Variants in FAF1 observed in about 807,000 individuals in gnomAD.
FAF1 encodes Fas associated factor 1, also known as FAS-associated factor 1.
FAF1 carries 25 observed loss-of-function variants against 92.5 expected under a neutral mutation model. The observed-to-expected ratio is 0.27, with a 90% CI of 0.20 to 0.38. The LOEUF (loss-of-function observed/expected upper bound fraction) is 0.38, where lower values mean the gene tolerates loss of function less well. Ranked by LOEUF, FAF1 falls within the 10% of genes least tolerant of loss-of-function variation. The pLI is 1.00. For synonymous variants in FAF1, 234 were observed against 273.2 expected (o/e 0.86, Z 1.42); for missense variants, 636 against 793.3 (o/e 0.80, Z 2.38).
rs1017867530 is a variant in FAF1 at position 50,553,970 on chromosome 1, A to C, written c.1268+13107T>G. Among the ~76,000 whole-genome samples the C allele has an allele frequency of 2.6e-5, 4 of 152,026 alleles. No individual in the cohort carries two copies. The South Asian group carries it at 6.2e-4, about 24-fold the overall frequency. ...CAATATTCAAGCACAGGCTGGAGCA[A>C]CATCAGCTAAGCATGTTATAGAAAA... On this transcript the variant is annotated intron_variant, in intron 13 of 18. Transcript: ENST00000396153.
At chr1:50,845,055 C>G (rs768232618) in intron 2 of FAF1, among the ~76,000 whole-genome samples, 1 of 152,214 alleles carries the variant, frequency 6.6e-6, no homozygotes, top group Non-Finnish European at 1.5e-5. Flanking sequence ...ATATCTCCAT[C>G]TGTCTCAGTT....
intron 2 of FAF1, among the ~76,000 whole-genome samples, chr1:50,845,453 G>A (rs921359655): frequency 2.6e-5 from 4 of 152,140 alleles, no homozygotes; most frequent in African/African-American, 9.7e-5. Flanking sequence ...CAGCCTGCCT[G>A]TGGTTAGAGG....
At chr1:50,880,509 T>C (rs1644603290) in intron 1 of FAF1, among the ~76,000 whole-genome samples, 1 of 152,162 alleles carries the variant, frequency 6.6e-6, no homozygotes, top group Non-Finnish European at 1.5e-5. Context: ...TTACTATCCT[T>C]ATAGATAGAA....
intron 12 of FAF1, among the ~76,000 whole-genome samples, chr1:50,576,937 G>A (rs1256751418): frequency 6.6e-6 from 1 of 151,800 alleles, no homozygotes; most frequent in African/African-American, 2.4e-5. Flanking sequence ...GAAGTGTTGG[G>A]ATTACAGGTG....
At chr1:50,485,667 C>CAAAAAAAAAAAAAAAAA (rs999538430) in intron 17 of FAF1, among the ~76,000 whole-genome samples, 8 of 13,718 alleles carry the variant, frequency 5.8e-4, no homozygotes, top group South Asian at 4.5e-3. Context: ...GAGACTGTCT[C>CAAAAAAAAAAAAAAAAA]AAAAAAAAAA....
intron 9 of FAF1, among the ~76,000 whole-genome samples, chr1:50,585,146 C>A (rs534854294): frequency 3.3e-5 from 5 of 152,266 alleles, no homozygotes; most frequent in South Asian, 2.1e-4. Context: ...AAGTCAGAGA[C>A]AAAGTAAGTT....
intron 7 of FAF1, among the ~76,000 whole-genome samples, chr1:50,673,972 A>G (rs1370398706): frequency 6.6e-6 from 1 of 151,080 alleles, no homozygotes; most frequent in Non-Finnish European, 1.5e-5. Context: ...TTTTTTTGAC[A>G]TGGAGTCTTG....
In FAF1 at chr1:50,915,248, T is replaced by TA. The variant is rs565626890; in HGVS notation, c.45+44518dup. On this transcript the variant is annotated intron_variant, in intron 1 of 18. Coordinates refer to ENST00000396153, the MANE Select transcript of FAF1 (RefSeq NM_007051.3). ...AGCTGGCCACGGTGGTACATGCCTG[T>TA]AATCCCGGCTACTTGGGAGGCTGAG... Among the ~76,000 whole-genome samples the TA allele has an allele frequency of 5.6e-4, 85 of 151,914 alleles. No homozygotes were observed. In the Middle Eastern group the frequency reaches 0.014, roughly 24 times the overall value.
intron 12 of FAF1, among the ~76,000 whole-genome samples, chr1:50,579,602 C>A (rs1650900646): frequency 6.6e-6 from 1 of 152,104 alleles, no homozygotes; most frequent in Admixed American, 6.6e-5. Context: ...CATTATTTTA[C>A]AAAGCATGTC....
At chr1:50,840,598 C>A (rs1056015467) in intron 2 of FAF1, among the ~76,000 whole-genome samples, 4 of 151,978 alleles carry the variant, frequency 2.6e-5, no homozygotes, top group African/African-American at 9.7e-5. Flanking sequence ...TAACTATATA[C>A]TTTAGATTTA....
At chr1:50,901,430 T>A (rs1644795217) in intron 1 of FAF1, among the ~76,000 whole-genome samples, 1 of 152,230 alleles carries the variant, frequency 6.6e-6, no homozygotes, top group African/African-American at 2.4e-5. Context: ...ACATGGTGGC[T>A]CATTCCTGCA....
intron 7 of FAF1, among the ~76,000 whole-genome samples, chr1:50,672,849 T>A (rs964755898): frequency 3.9e-5 from 6 of 152,142 alleles, no homozygotes; most frequent in Admixed American, 3.9e-4. Flanking sequence ...CAGGGTGCAG[T>A]GGTTCATGCC....
At chr1:50,531,093 A>T (rs1445327830) in intron 15 of FAF1, among the ~76,000 whole-genome samples, 1 of 152,144 alleles carries the variant, frequency 6.6e-6, no homozygotes, top group Non-Finnish European at 1.5e-5. Flanking sequence ...CTAAATTAGA[A>T]CCCTTTAAAA....
intron 1 of FAF1, among the ~76,000 whole-genome samples, chr1:50,860,044 G>T (rs1047825851): frequency 1.3e-5 from 2 of 151,872 alleles, no homozygotes; most frequent in African/African-American, 4.8e-5. Context: ...GGGATAGCTG[G>T]CTACCCATGT....
At position 50,801,803 on chromosome 1, in the gene FAF1, A is replaced by C. The variant is rs1481065067; in HGVS notation, c.115-126T>G. The C allele has an allele frequency of 8.5e-6, 5 of 589,898 alleles. No homozygotes were observed. In the African/African-American group the frequency reaches 9.3e-5, roughly 11 times the overall value. 36.5% of individuals were successfully genotyped at this position (589,898 alleles called of 1,614,324 possible). On this transcript the variant is annotated intron_variant, in intron 2 of 18. Transcript: ENST00000396153. ...ATTTAAACATAATACTAATTTTTTT[A>C]GTGATGCAAAATGTTGTCTATTAAA...
chr1:50,606,185 A>G (rs1652380120), intron 8 of FAF1, among the ~76,000 whole-genome samples: 1 of 152,242 alleles, frequency 6.6e-6, no homozygotes, highest in African/African-American at 2.4e-5. Context: ...ATTATTTTTA[A>G]GAATCTAAGC....
chr1:50,938,771 G>T (rs1395989053), intron 1 of FAF1, among the ~76,000 whole-genome samples: 2 of 152,146 alleles, frequency 1.3e-5, no homozygotes, highest in Non-Finnish European at 2.9e-5. Flanking sequence ...AAAGGTAAGG[G>T]TCTAGTTTCA....
chr1:50,485,928 A>T (rs891318663), intron 17 of FAF1, among the ~76,000 whole-genome samples: 1 of 152,116 alleles, frequency 6.6e-6, no homozygotes, highest in Non-Finnish European at 1.5e-5. Flanking sequence ...GAACTCCATC[A>T]TGAGAACAGC....
intron 6 of FAF1, among the ~76,000 whole-genome samples, chr1:50,718,450 A>C (rs1354281809): frequency 6.6e-6 from 1 of 152,256 alleles, no homozygotes; most frequent in Non-Finnish European, 1.5e-5. Flanking sequence ...TTCTCAAATC[A>C]GTGCTATGTG....
Sources: allele counts gnomAD v4.1 joint callset (sites outside exome capture counted in the v4.1 genomes callset), GRCh38; gene constraint gnomAD v4.1.1; transcripts MANE v1.5; gene names NCBI Gene and HGNC (gene_info 2026-07-23, HGNC 2026-07-21).